The following MYRFL variants were observed in gnomAD, a reference collection of about 807,000 sequenced individuals.
MYRFL encodes the protein myelin regulatory factor-like protein.
A neutral mutation model predicts 109.4 loss-of-function variants in MYRFL; 88 were observed. That is an observed-to-expected ratio of 0.80 (90% CI 0.68 to 0.96). The LOEUF (loss-of-function observed/expected upper bound fraction) is 0.96. Among genes scored for constraint, MYRFL ranks in the 40% least tolerant of loss-of-function variants. MYRFL has a pLI of 0.00. For missense variants in MYRFL, 957 were observed against 954.9 expected, an observed-to-expected ratio of 1.00 and a Z score of -0.03; for synonymous variants, 324 against 320.9, an observed-to-expected ratio of 1.01 and a Z score of -0.10.
chr12:69,859,290 A>G (rs186993015), intron 2 of MYRFL, among the ~76,000 whole-genome samples: 2 of 152,138 alleles, frequency 1.3e-5, no homozygotes, highest in East Asian at 1.9e-4. Context: ...AATGTTACGT[A>G]TGCACTTGGA....
At position 69,910,922 on chromosome 12, in the gene MYRFL, G is replaced by T. The variant is rs1174911073; in HGVS notation, c.1594G>T (p.Val532Leu). 2.6e-6 allele frequency: 4 copies of T among 1,532,872 alleles called. No homozygotes were observed. The African/African-American group carries it at 5.5e-5, about 21-fold the overall frequency. The allele number at this position is 1,532,872 out of a possible 1,614,324, so 95.0% of individuals were successfully genotyped here. A position where few individuals can be genotyped will look rare whatever the true frequency, so the allele number is the denominator to read the frequency against. ...AGAGACCTTGGAGAACTTCCTCATG[G>T]TGGATAAGGTAATCACTGAAAAGAT... Reference protein sequence around the residue: ...NGETLENFLMVDKDQIFMENV... With the variant: ...NGETLENFLMLDKDQIFMENV... Residue 532 changes from valine to leucine, a missense_variant, in exon 13 of 25, where the codon GTG becomes TTG. Coordinates refer to ENST00000552032, the MANE Select transcript of MYRFL (RefSeq NM_182530.3).
At chr12:69,830,269 A>G (rs563239582) in intron 1 of MYRFL, among the ~76,000 whole-genome samples, 1 of 151,306 alleles carries the variant, frequency 6.6e-6, no homozygotes, top group Admixed American at 6.6e-5. Context: ...ATATACATAG[A>G]TATAGATATC....
chr12:69,944,961 T>C (rs1955786638), intron 19 of MYRFL, among the ~76,000 whole-genome samples: 1 of 151,722 alleles, frequency 6.6e-6, no homozygotes, highest in Non-Finnish European at 1.5e-5. Flanking sequence ...ATGATGTACA[T>C]TCACTACTCA....
chr12:69,909,656 CTT>C (rs1276964314), intron 11 of MYRFL, among the ~76,000 whole-genome samples: 2 of 152,186 alleles, frequency 1.3e-5, no homozygotes, highest in Non-Finnish European at 2.9e-5. Context: ...ACTGTACTCT[CTT>C]GATTGTTATC....
rs770064505 is a variant in MYRFL at position 69,952,199 on chromosome 12, T to G, written c.2287+24T>G. 38 of 1,534,278 alleles carry G rather than the reference T, an allele frequency of 2.5e-5. No homozygotes were observed. The African/African-American group carries it at 4.8e-4, about 19-fold the overall frequency. On this transcript the variant is annotated intron_variant, in intron 20 of 24. Transcript: ENST00000552032. ...CTGTAAGTTGACATTTAAGTGACAC[T>G]ATTCTTTGGCTTTGCGGGGCCAGGC...
At chr12:69,853,310 T>C (rs1884015393) in intron 1 of MYRFL, among the ~76,000 whole-genome samples, 5 of 145,334 alleles carry the variant, frequency 3.4e-5, no homozygotes, top group Non-Finnish European at 7.6e-5. Flanking sequence ...CGCTCCTCAC[T>C]TCCCGGACGG....
chr12:69,880,950 T>TG (rs1472875059), intron 5 of MYRFL, among the ~76,000 whole-genome samples: 65 of 100,638 alleles, frequency 6.5e-4, no homozygotes, highest in Non-Finnish European at 5.4e-4. Flanking sequence ...TCAGCCTTCC[T>TG]GTTTTTTTTT....
At chr12:69,892,751 G>A (rs1886990807) in intron 7 of MYRFL, among the ~76,000 whole-genome samples, 1 of 152,320 alleles carries the variant, frequency 6.6e-6, no homozygotes, top group South Asian at 2.1e-4. Context: ...GATTATGAAT[G>A]TAATATAAGT....
intron 13 of MYRFL, among the ~76,000 whole-genome samples, chr12:69,915,373 G>C (rs892309746): frequency 6.6e-6 from 1 of 152,028 alleles, no homozygotes; most frequent in Non-Finnish European, 1.5e-5. Context: ...ATCCTTTTTT[G>C]TAAAGAAATT....
chr12:69,832,182 A>G (rs1339562007), intron 1 of MYRFL, among the ~76,000 whole-genome samples: 1 of 152,214 alleles, frequency 6.6e-6, no homozygotes, highest in African/African-American at 2.4e-5. Context: ...TTCAGCATCC[A>G]GGCTTGTAGA....
intron 22 of MYRFL, among the ~76,000 whole-genome samples, chr12:69,956,086 A>G (rs1473648836): frequency 6.6e-6 from 1 of 152,040 alleles, no homozygotes; most frequent in African/African-American, 2.4e-5. Flanking sequence ...AGACTTTAAT[A>G]CTGGGTCATA....
At chr12:69,933,671 C>T (rs1017837532) in intron 16 of MYRFL, among the ~76,000 whole-genome samples, 1 of 152,104 alleles carries the variant, frequency 6.6e-6, no homozygotes, top group African/African-American at 2.4e-5. Flanking sequence ...CCTAGAATTC[C>T]CATTAGAAAC....
intron 19 of MYRFL, among the ~76,000 whole-genome samples, chr12:69,939,001 G>A (rs934053475): frequency 5.3e-5 from 8 of 152,102 alleles, no homozygotes; most frequent in Non-Finnish European, 8.8e-5. Flanking sequence ...AAAAAATGGC[G>A]CACCACGAGA....
intron 14 of MYRFL, among the ~76,000 whole-genome samples, chr12:69,927,148 T>A (rs1219461266): frequency 1.3e-5 from 2 of 152,012 alleles, no homozygotes; most frequent in Non-Finnish European, 2.9e-5. Flanking sequence ...TTTGACCATG[T>A]TGGCCAGGCT....
chr12:69,909,487 T>C (rs1592807438), intron 11 of MYRFL, among the ~76,000 whole-genome samples: 1 of 152,242 alleles, frequency 6.6e-6, no homozygotes, highest in Non-Finnish European at 1.5e-5. Flanking sequence ...AATTCTATTA[T>C]GTTCCAAAAG....
chr12:69,843,658 AG>A (rs1454487033), intron 1 of MYRFL, among the ~76,000 whole-genome samples: 1 of 152,192 alleles, frequency 6.6e-6, no homozygotes, highest in East Asian at 1.9e-4. Flanking sequence ...TTGTGTTTGT[AG>A]TACTCCCTGA....
At chr12:69,865,179 G>A (rs182141751) in intron 2 of MYRFL, among the ~76,000 whole-genome samples, 1 of 152,336 alleles carries the variant, frequency 6.6e-6, no homozygotes, top group Admixed American at 6.5e-5. Context: ...TTTATGTGAT[G>A]CAGGAGTCTT....
At chr12:69,825,674 A>T (rs1046214722) in intron 1 of MYRFL, 111 bp downstream of exon 1, 7 of 642,516 alleles carry the variant, frequency 1.1e-5, no homozygotes, top group African/African-American at 1.1e-4. Context: ...ATGCTATCAT[A>T]CTTAGGTAAC....
chr12:69,944,107 C>A (rs926231714), intron 19 of MYRFL, among the ~76,000 whole-genome samples: 6 of 150,922 alleles, frequency 4.0e-5, no homozygotes, highest in Admixed American at 2.0e-4. Flanking sequence ...TAGTTCAACC[C>A]TTGTGGAAGT....
Sources: gnomAD v4.1 joint callset for allele counts (sites outside exome capture counted in the v4.1 genomes callset) on GRCh38, gnomAD v4.1.1 for gene constraint, MANE v1.5 for transcripts, NCBI Gene and HGNC (gene_info 2026-07-23, HGNC 2026-07-21) for gene names.